Variants in SNRNP35 observed in about 807,000 individuals in gnomAD.
The protein encoded by SNRNP35 is U11/U12 small nuclear ribonucleoprotein 35 kDa protein.
A neutral mutation model predicts 24.3 loss-of-function variants in SNRNP35; 16 were observed. The ratio of observed to expected loss-of-function variants is 0.66; its 90% CI spans 0.45 to 1.00. The LOEUF (loss-of-function observed/expected upper bound fraction) is 1.00, where lower values mean the gene tolerates loss of function less well. Among genes scored for constraint, SNRNP35 ranks in the 50% least tolerant of loss-of-function variants. The pLI is 0.00. For synonymous variants in SNRNP35, 106 were observed against 124.8 expected (o/e 0.85, Z 1.00); for missense variants, 292 against 327.2 (o/e 0.89, Z 0.83).
chr12:123,468,105 T>G (rs1169237386), downstream of SNRNP35, among the ~76,000 whole-genome samples: 2 of 151,918 alleles, frequency 1.3e-5, no homozygotes, highest in Non-Finnish European at 2.9e-5. Flanking sequence ...ACGGCTGTGA[T>G]CCCAGCACTT....
exon 2 of SNRNP35, chr12:123,472,305 A>T (rs1454341448): frequency 2.0e-6 from 1 of 510,602 alleles, no homozygotes. Context: ...ATCCTACGGG[A>T]TCAGAGTCAT....
chr12:123,461,201 T>C (rs945931588), intron 1 of SNRNP35, among the ~76,000 whole-genome samples: 40 of 150,906 alleles, frequency 2.7e-4, no homozygotes, highest in Non-Finnish European at 5.0e-4. Flanking sequence ...CTGCAAGCTC[T>C]GCCTCCCGGG....
rs760213281 is a variant in SNRNP35 at position 123,465,816 on chromosome 12, G to A, written c.276G>A (p.Lys92=). 3.1e-6 allele frequency: 5 copies of A among 1,613,956 alleles called. No individual in the cohort carries two copies. In the African/African-American group the frequency reaches 5.3e-5, roughly 17 times the overall value. The change falls in exon 2 of 2, where the codon AAG becomes AAA. Residue 92 remains lysine (K), a synonymous_variant. Transcript: ENST00000526639. The surrounding 1 kb of genome is among the most constrained non-coding windows in gnomAD (Gnocchi z 4.2). The part of the protein sequence containing the change: ...LVRDLVTGFS[K]GYAFIEYKEE... The stretch of plus-strand genomic sequence containing the variant: ...GGGACTTGGTCACAGGTTTTTCAAA[G>A]GGCTACGCCTTCATCGAATACAAGG...
rs766221112 is a variant in SNRNP35, at chr12:123,466,221, A to G, written c.681A>G (p.Arg227=). 13 of 1,557,846 alleles carry G rather than the reference A, an allele frequency of 8.3e-6. No individual in the cohort carries two copies. Among genetic ancestry groups the G allele is most frequent in the Middle Eastern group, 1.7e-4 (1 of 5,772 alleles). ...TRVWPDNDWE[R]ERDFRDDRIK... ...TGTGGCCCGACAATGACTGGGAGAG[A>G]GAGAGGGACTTCAGAGATGACAGGA... Residue 227 remains arginine (R), a synonymous_variant, in exon 2 of 2, where the codon AGA becomes AGG. Transcript: ENST00000526639.
At chr12:123,459,798 G>C in intron 1 of SNRNP35, 1 of 1,542,762 alleles carries the variant, frequency 6.5e-7, no homozygotes, top group Non-Finnish European at 8.8e-7. Flanking sequence ...AGTAAAAAAA[G>C]AGAATGTAAA....
downstream of SNRNP35, chr12:123,470,473 CA>C (rs57574691): frequency 0.63 from 54,575 of 86,164 alleles, 15,885 homozygotes; most frequent in East Asian, 0.92. Context: ...ACCCTGTGTC[CA>C]AAAAAAAAAA....
At chr12:123,469,497 C>A (rs938035269), downstream of SNRNP35, among the ~76,000 whole-genome samples, 1 of 150,430 alleles carries the variant, frequency 6.6e-6, no homozygotes, top group African/African-American at 2.4e-5. Context: ...TATTGCTATA[C>A]ATTTTTTTTT....
chr12:123,459,771 AGT>A (rs775323312), intron 1 of SNRNP35: 46 of 1,419,092 alleles, frequency 3.2e-5, no homozygotes, highest in Non-Finnish European at 4.2e-5. Context: ...TGGGTGACAG[AGT>A]GAGACTTTGT....
rs570765393 is a variant in SNRNP35, at chr12:123,460,639, C to G, written c.-4+2423C>G. Among the ~76,000 whole-genome samples the G allele has an allele frequency of 8.6e-5, 12 of 139,160 alleles. 1 individual carries two copies. In the East Asian group the frequency reaches 2.2e-3, roughly 26 times the overall value. 91.3% of individuals were successfully genotyped at this position (139,160 alleles called of 152,430 possible). On this transcript the variant is annotated intron_variant, in intron 1 of 1. Transcript: ENST00000526639. The stretch of plus-strand genomic sequence containing the variant: ...AAAAAAAAAAAGCTGGGTATGGTGG[C>G]GCATAGTGAGTAATTCCAGGTACTC...
At chr12:123,468,314 G>A (rs981008576), downstream of SNRNP35, among the ~76,000 whole-genome samples, 2 of 141,816 alleles carry the variant, frequency 1.4e-5, no homozygotes, top group African/African-American at 5.4e-5. Context: ...AGCCAAGACC[G>A]GACCACTGCA....
At chr12:123,469,659 A>G (rs906303121), downstream of SNRNP35, among the ~76,000 whole-genome samples, 1 of 151,568 alleles carries the variant, frequency 6.6e-6, no homozygotes, top group Non-Finnish European at 1.5e-5. Context: ...ACACCCACCT[A>G]TTTTTTTATT....
intron 1 of SNRNP35, among the ~76,000 whole-genome samples, chr12:123,464,014 A>G (rs1880796688): frequency 2.0e-5 from 3 of 149,144 alleles, no homozygotes; most frequent in South Asian, 2.1e-4. Context: ...GCTCACCGCA[A>G]CCTCCACCAA....
In SNRNP35 at chr12:123,465,730, GAGGACAAATTAAAGGA is replaced by G; in HGVS notation, c.193_208del (p.Asp65SerfsTer36). 1 of 1,613,924 alleles carries G rather than the reference GAGGACAAATTAAAGGA, an allele frequency of 6.2e-7. No homozygotes were observed. Among genetic ancestry groups the G allele is most frequent in the Non-Finnish European group, 8.5e-7 (1 of 1,179,908 alleles). On this transcript the variant is annotated frameshift_variant, in exon 2 of 2. Transcript: ENST00000526639. LOFTEE classifies it high-confidence loss of function. This position sits in a 1 kb window ranked among gnomAD's most constrained non-coding sequence, Gnocchi z 4.2. ...GGCCAGACTAAACTTGCAGACCAAG[GAGGACAAATTAAAGGA>G]AGTCTTTTCCCGCTATGGTGACATC...
chr12:123,472,764 T>C (rs1037307010), exon 2 of SNRNP35: 15 of 1,460,894 alleles, frequency 1.0e-5, no homozygotes, highest in Non-Finnish European at 1.4e-5. Context: ...CGGAGACATA[T>C]AGCAGCAAAC....
At chr12:123,469,844 A>G (rs952068665), downstream of SNRNP35, among the ~76,000 whole-genome samples, 1 of 150,248 alleles carries the variant, frequency 6.7e-6, no homozygotes, top group Non-Finnish European at 1.5e-5. Context: ...AAAGCACAGA[A>G]CAGCATGAAT....
At chr12:123,470,936 C>T (rs1333756155), downstream of SNRNP35, 1 of 152,150 alleles carries the variant, frequency 6.6e-6, no homozygotes, top group Non-Finnish European at 1.5e-5. Flanking sequence ...TCTAATAATT[C>T]TAATGGGCAC....
chr12:123,471,041 T>G (rs1401853943), downstream of SNRNP35: 2 of 152,108 alleles, frequency 1.3e-5, no homozygotes, highest in African/African-American at 4.8e-5. Flanking sequence ...CATTCTAGAT[T>G]CTGCAAATTC....
At position 123,465,129 on chromosome 12, in the gene SNRNP35, C is replaced by T. The variant is rs1880873071; in HGVS notation, c.-3-409C>T. On this transcript the variant is annotated intron_variant, in intron 1 of 1. Transcript: ENST00000526639. The surrounding 1 kb of genome is among the most constrained non-coding windows in gnomAD (Gnocchi z 4.2). ...AGTAGAGTTTTTAAATTGCCATTTT[C>T]CACCAGCAGTTCCTGGGCTAGTTTT... Among the ~76,000 whole-genome samples, 1 of 152,182 alleles carries T rather than the reference C, an allele frequency of 6.6e-6. No individual in the cohort carries two copies. The highest frequency in any genetic ancestry group is 1.5e-5 in the Non-Finnish European group (1 of 68,038).
At chr12:123,458,598 T>C (rs1398464185) in intron 1 of SNRNP35, among the ~76,000 whole-genome samples, 1 of 150,744 alleles carries the variant, frequency 6.6e-6, no homozygotes, top group Admixed American at 6.6e-5. Flanking sequence ...AAGTCTTTTT[T>C]TTTTTTTTTT....
Sources: allele counts gnomAD v4.1 joint callset (sites outside exome capture counted in the v4.1 genomes callset), GRCh38; gene constraint gnomAD v4.1.1; non-coding constraint Gnocchi (gnomAD v3.1); transcripts MANE v1.5; gene names NCBI Gene and HGNC (gene_info 2026-07-23, HGNC 2026-07-21).